ASXL2: variants seen among roughly 807,000 people sequenced by gnomAD.
ASXL2 encodes ASXL transcriptional regulator 2, also known as putative Polycomb group protein ASXL2.
ASXL2 carries 23 observed loss-of-function variants against 122.0 expected under a neutral mutation model. The observed-to-expected ratio is 0.19, with a 90% CI of 0.14 to 0.27. The LOEUF is 0.27. Ranked by LOEUF, ASXL2 falls within the 10% of genes least tolerant of loss-of-function variation. ASXL2 has a pLI of 1.00. For missense variants in ASXL2, 1,518 were observed against 1,713.8 expected (o/e 0.89, Z 2.02); for synonymous variants, 650 against 637.0 (o/e 1.02, Z -0.31).
At chr2:25,856,560 C>T (rs1215994581) in intron 1 of ASXL2, 27 of 1,143,204 alleles carry the variant, frequency 2.4e-5, no homozygotes, top group South Asian at 1.6e-4. Context: ...TTTCGCCAGA[C>T]GCTCCAAGGG....
At position 25,743,862 on chromosome 2, in the gene ASXL2, A is replaced by C; in HGVS notation, c.2475T>G (p.Ser825Arg). Residue 825 changes from serine to arginine, a missense_variant, in exon 13 of 13, where the codon AGT becomes AGG. Physicochemically the swap from Ser to Arg is moderately radical, Grantham distance 110. This residue lies in a region of ASXL2 where 831 missense variants were observed against 833.1 expected (regional missense o/e 1.00). Coordinates refer to ENST00000435504, the MANE Select transcript of ASXL2 (RefSeq NM_018263.6). ...AAGGTGCTTTCTCCTGTCTGCAACT[A>C]CTGGGCCCTTGTGGATGGCTGACAG... ...VASVSHPQGP[S>R]SCRQEKAPSP... The C allele has an allele frequency of 6.2e-7, 1 of 1,614,006 alleles. No homozygotes were observed. The highest frequency in any genetic ancestry group is 8.5e-7 in the Non-Finnish European group (1 of 1,179,886).
Position 25,878,230 on chromosome 2 carries a change from C to A in ASXL2, c.-8G>T. The stretch of plus-strand genomic sequence containing the variant: ...ACGTCCCTTTTCCCTCATGTCGGGT[C>A]TTGAACTGACTGGGAGGCTCCCGTG... On this transcript the variant is annotated 5_prime_UTR_variant, in exon 1 of 13. Transcript: ENST00000435504. The A allele has an allele frequency of 1.2e-6, 2 of 1,613,758 alleles. No individual in the cohort carries two copies. Among genetic ancestry groups the A allele is most frequent in the South Asian group, 1.1e-5 (1 of 91,082 alleles).
At chr2:25,750,941 C>A (rs1283006238) in intron 11 of ASXL2, among the ~76,000 whole-genome samples, 1 of 152,208 alleles carries the variant, frequency 6.6e-6, no homozygotes, top group Non-Finnish European at 1.5e-5. Context: ...CCTGAGGAGA[C>A]AGCTGGCTGT....
chr2:25,771,595 C>T (rs1559506513), intron 5 of ASXL2, 55 bp from the exon 6 acceptor site: 3 of 1,378,168 alleles, frequency 2.2e-6, no homozygotes, highest in East Asian at 4.8e-5. Flanking sequence ...TACCAAGCAC[C>T]ATTCCTTCCC....
intron 8 of ASXL2, among the ~76,000 whole-genome samples, chr2:25,766,674 T>C (rs777635607): frequency 6.6e-5 from 10 of 152,324 alleles, no homozygotes; most frequent in Non-Finnish European, 1.5e-4. Context: ...GCCTTGTTAG[T>C]AGCATTTTGG....
intron 1 of ASXL2, among the ~76,000 whole-genome samples, chr2:25,872,414 T>C (rs901526510): frequency 2.6e-5 from 4 of 151,720 alleles, no homozygotes; most frequent in African/African-American, 9.7e-5. Flanking sequence ...CTTAAATAAA[T>C]TCCCAACTCA....
chr2:25,755,988 C>G, intron 10 of ASXL2, 30 bp downstream of exon 10: 1 of 1,571,578 alleles, frequency 6.4e-7, no homozygotes, highest in Non-Finnish European at 8.8e-7. Flanking sequence ...GCACACACCA[C>G]CTGGGAGACA....
chr2:25,829,539 G>A (rs191291351), intron 3 of ASXL2, among the ~76,000 whole-genome samples: 55 of 152,242 alleles, frequency 3.6e-4, no homozygotes, highest in Middle Eastern at 3.4e-3. Flanking sequence ...TATCTAAACA[G>A]CTAACACTAC....
At chr2:25,873,716 C>T (rs533998603) in intron 1 of ASXL2, among the ~76,000 whole-genome samples, 1 of 150,800 alleles carries the variant, frequency 6.6e-6, no homozygotes, top group South Asian at 2.1e-4. Flanking sequence ...AGGTTATGTT[C>T]CTCATCTCTA....
At chr2:25,823,172 A>G (rs2149182592) in intron 3 of ASXL2, among the ~76,000 whole-genome samples, 1 of 152,340 alleles carries the variant, frequency 6.6e-6, no homozygotes, top group East Asian at 1.9e-4. Context: ...AACCTTATGC[A>G]TGAACATTTC....
chr2:25,766,173 T>C (rs1018358303), intron 8 of ASXL2, among the ~76,000 whole-genome samples: 2 of 152,188 alleles, frequency 1.3e-5, no homozygotes, highest in African/African-American at 2.4e-5. Flanking sequence ...TCTTTCTATG[T>C]GAAGTATTTT....
chr2:25,876,970 T>A (rs1263477370), intron 1 of ASXL2, among the ~76,000 whole-genome samples: 1 of 152,180 alleles, frequency 6.6e-6, no homozygotes, highest in East Asian at 1.9e-4. Flanking sequence ...TAGACGGTAA[T>A]ATACCAAATG....
Position 25,860,341 on chromosome 2 carries a change from T to C in ASXL2, c.58-14778A>G, listed in dbSNP as rs140422954. Reference sequence around the variant, plus strand: ...ATAAAAAAAAATGGAAACAAAAAAATATATATATAACATCAAAGCTTGTGG... The same window carrying C: ...ATAAAAAAAAATGGAAACAAAAAAACATATATATAACATCAAAGCTTGTGG... On this transcript the variant is annotated intron_variant, in intron 1 of 12. Transcript: ENST00000435504. Among the ~76,000 whole-genome samples, 42 of 150,998 alleles carry C rather than the reference T, an allele frequency of 2.8e-4. No homozygotes were observed. The East Asian group carries it at 8.2e-3, about 30-fold the overall frequency.
chr2:25,816,860 C>A (rs993517699), intron 3 of ASXL2, among the ~76,000 whole-genome samples: 25 of 152,192 alleles, frequency 1.6e-4, no homozygotes, highest in Non-Finnish European at 7.3e-5. Context: ...TGTGGTGGCT[C>A]ACGCCTGTAA....
rs576913659 is a variant in ASXL2, at chr2:25,810,305, C to T, written c.144-3968G>A. On this transcript the variant is annotated intron_variant, in intron 3 of 12. Coordinates refer to ENST00000435504, the MANE Select transcript of ASXL2 (RefSeq NM_018263.6). The stretch of plus-strand genomic sequence containing the variant: ...CCACCTCTTCATACTTCCTATCTGC[C>T]TATTCTGCAGTGTGTTTAGCTTCTT... 9.7e-4 allele frequency: 629 copies of T among 648,290 alleles called. 1 individual carries two copies. The highest frequency in any genetic ancestry group is 2.1e-3 in the Middle Eastern group (8 of 3,808). The allele number at this position is 648,290 out of a possible 1,614,324, so 40.2% of individuals were successfully genotyped here.
chr2:25,777,381 T>TATAATCCC (rs1436161665), intron 5 of ASXL2, among the ~76,000 whole-genome samples: 1 of 152,110 alleles, frequency 6.6e-6, no homozygotes, highest in South Asian at 2.1e-4. Flanking sequence ...GGCTCACACC[T>TATAATCCC]ATAATCCCGG....
intron 1 of ASXL2, among the ~76,000 whole-genome samples, chr2:25,863,843 T>C (rs1287285654): frequency 2.6e-5 from 4 of 151,076 alleles, no homozygotes; most frequent in Non-Finnish European, 5.9e-5. Context: ...CCATCTCTAC[T>C]AAAAGTACAA....
intron 11 of ASXL2, among the ~76,000 whole-genome samples, chr2:25,752,137 A>C (rs916969195): frequency 9.2e-5 from 14 of 152,160 alleles, no homozygotes; most frequent in Admixed American, 6.5e-5. Context: ...AGATGGATAA[A>C]TACTACTTGG....
intron 5 of ASXL2, among the ~76,000 whole-genome samples, chr2:25,782,672 G>A (rs903656763): frequency 2.6e-5 from 4 of 152,150 alleles, no homozygotes; most frequent in African/African-American, 9.7e-5. Flanking sequence ...TAAGACACTG[G>A]TTTCTCAACT....
Sources: gnomAD v4.1 joint callset for allele counts (sites outside exome capture counted in the v4.1 genomes callset) on GRCh38, gnomAD v4.1.1 for gene constraint, gnomAD v4.1.1 regional missense constraint, MANE v1.5 for transcripts, NCBI Gene and HGNC (gene_info 2026-07-23, HGNC 2026-07-21) for gene names.